The following CIMIP7 variants were observed in gnomAD, a reference collection of about 807,000 sequenced individuals.
The protein encoded by CIMIP7 is ciliary microtubule inner protein 7.
chr3:49,178,016 T>A, the CIMIP7 span: 1 of 1,608,912 alleles, frequency 6.2e-7, no homozygotes, highest in Non-Finnish European at 8.5e-7. Flanking sequence ...TCCAGGTCCT[T>A]CCGCCTTCCG....
chr3:49,183,041 G>C, the CIMIP7 span, among the ~76,000 whole-genome samples: 1 of 152,128 alleles, frequency 6.6e-6, no homozygotes, highest in African/African-American at 2.4e-5. Context: ...CTCGGGCCTC[G>C]GCAAGCCCAG....
the CIMIP7 span, among the ~76,000 whole-genome samples, chr3:49,187,422 G>A: frequency 1.3e-5 from 2 of 152,156 alleles, no homozygotes; most frequent in East Asian, 3.9e-4. Context: ...TGGGCAGTCT[G>A]CACTAAGAGA....
the CIMIP7 span, chr3:49,191,739 T>C: frequency 6.3e-7 from 1 of 1,589,414 alleles, no homozygotes; most frequent in Non-Finnish European, 8.5e-7. Context: ...TAAAGTGCAC[T>C]CTTACCCAGG....
chr3:49,177,920 G>C, the CIMIP7 span: 3 of 1,613,896 alleles, frequency 1.9e-6, no homozygotes, highest in Non-Finnish European at 1.7e-6. Flanking sequence ...AAATCAGCCT[G>C]GTAAGAAGAT....
the CIMIP7 span, among the ~76,000 whole-genome samples, chr3:49,183,518 C>T: frequency 6.6e-6 from 1 of 152,152 alleles, no homozygotes; most frequent in Non-Finnish European, 1.5e-5. Flanking sequence ...CCTGTCTCTA[C>T]TAAAAATACA....
chr3:49,183,058 G>A, the CIMIP7 span, among the ~76,000 whole-genome samples: 1 of 152,218 alleles, frequency 6.6e-6, no homozygotes, highest in African/African-American at 2.4e-5. Flanking sequence ...CCAGGAAGGG[G>A]CTCCCACAGC....
At chr3:49,186,242 A>G in the CIMIP7 span, among the ~76,000 whole-genome samples, 1 of 150,878 alleles carries the variant, frequency 6.6e-6, no homozygotes, top group East Asian at 2.0e-4. Context: ...CAGGTGATAC[A>G]CCCGCCTTGG....
the CIMIP7 span, among the ~76,000 whole-genome samples, chr3:49,181,803 C>T: frequency 2.0e-5 from 3 of 152,166 alleles, no homozygotes; most frequent in Non-Finnish European, 4.4e-5. Context: ...AAAATGTGTC[C>T]GGAATGGGTG....
the CIMIP7 span, among the ~76,000 whole-genome samples, chr3:49,181,423 G>A: frequency 6.6e-6 from 1 of 151,602 alleles, no homozygotes; most frequent in African/African-American, 2.4e-5. Context: ...GGCCAAGGAG[G>A]AAAGATTGCT....
At chr3:49,179,002 T>C in the CIMIP7 span, among the ~76,000 whole-genome samples, 1 of 152,158 alleles carries the variant, frequency 6.6e-6, no homozygotes, top group Admixed American at 6.5e-5. Flanking sequence ...TTGGGTTCAG[T>C]AGACAACTGC....
At chr3:49,180,929 CAAAAAAAAAAAA>C in the CIMIP7 span, among the ~76,000 whole-genome samples, 1 of 65,894 alleles carries the variant, frequency 1.5e-5, no homozygotes, top group South Asian at 6.9e-4. Flanking sequence ...GACTCCGTCT[CAAAAAAAAAAAA>C]AAAAAAAAAA....
chr3:49,180,006 C>T, the CIMIP7 span, among the ~76,000 whole-genome samples: 1 of 152,128 alleles, frequency 6.6e-6, no homozygotes, highest in East Asian at 1.9e-4. Context: ...GGCTTGGTGG[C>T]TCATGCCTGT....
the CIMIP7 span, among the ~76,000 whole-genome samples, chr3:49,188,682 G>A: frequency 1.3e-5 from 2 of 152,114 alleles, no homozygotes; most frequent in Non-Finnish European, 2.9e-5. Context: ...ACCAGCCTGT[G>A]GGAATGCCTT....
the CIMIP7 span, among the ~76,000 whole-genome samples, chr3:49,181,766 A>T: frequency 1.2e-4 from 19 of 152,270 alleles, no homozygotes; most frequent in Admixed American, 2.0e-4. Context: ...TAACCAAAGA[A>T]GATTTACAGA....
chr3:49,180,746 T>G, the CIMIP7 span, among the ~76,000 whole-genome samples: 1 of 151,438 alleles, frequency 6.6e-6, no homozygotes, highest in Non-Finnish European at 1.5e-5. Context: ...CTGGCTATCA[T>G]GGTGAAACCC....
the CIMIP7 span, among the ~76,000 whole-genome samples, chr3:49,182,865 G>C: frequency 1.3e-5 from 2 of 152,206 alleles, no homozygotes; most frequent in Non-Finnish European, 2.9e-5. Context: ...TGCTGGCCCA[G>C]GTGCTAAGCC....
At chr3:49,182,897 G>C in the CIMIP7 span, among the ~76,000 whole-genome samples, 15,183 of 152,248 alleles carry the variant, frequency 0.1, 838 homozygotes, top group Middle Eastern at 0.11. Context: ...GGGGCGGGGG[G>C]GCCAGCCACT....
chr3:49,178,257 C>T, the CIMIP7 span, among the ~76,000 whole-genome samples: 1 of 152,166 alleles, frequency 6.6e-6, no homozygotes, highest in Non-Finnish European at 1.5e-5. Flanking sequence ...AGGATACTTG[C>T]ATATTGTCTG....
At chr3:49,183,206 G>C in the CIMIP7 span, among the ~76,000 whole-genome samples, 2 of 152,136 alleles carry the variant, frequency 1.3e-5, no homozygotes, top group Admixed American at 6.5e-5. Context: ...TAAACATCAG[G>C]GAAATGCAAA....
Sources: gnomAD v4.1 joint callset for allele counts (sites outside exome capture counted in the v4.1 genomes callset) on GRCh38, gnomAD v4.1.1 for gene constraint, MANE v1.5 for transcripts, NCBI Gene and HGNC (gene_info 2026-07-23, HGNC 2026-07-21) for gene names.